The following CDH12 variants were observed in gnomAD, a reference collection of about 807,000 sequenced individuals.
CDH12 encodes cadherin 12.
A neutral mutation model predicts 74.1 loss-of-function variants in CDH12; 41 were observed. That is an observed-to-expected ratio of 0.55 (90% confidence interval 0.43 to 0.72). CDH12 has a LOEUF of 0.72. Among genes scored for constraint, CDH12 ranks in the 30% least tolerant of loss-of-function variants. The pLI is 0.00. For synonymous variants in CDH12, 399 were observed against 355.0 expected (o/e 1.12, Z -1.39); for missense variants, 945 against 977.2 (o/e 0.97, Z 0.44).
At chr5:22,622,746 G>A (rs1057109786) in intron 1 of CDH12, among the ~76,000 whole-genome samples, 3 of 152,226 alleles carry the variant, frequency 2.0e-5, no homozygotes, top group Non-Finnish European at 2.9e-5. Flanking sequence ...AGAGGTACAA[G>A]GAGGAGTTGG....
chr5:22,343,323 C>CACAGAGAGAGAGAGAG (rs1378956871), intron 3 of CDH12, among the ~76,000 whole-genome samples: 2 of 136,258 alleles, frequency 1.5e-5, no homozygotes, highest in African/African-American at 5.8e-5. Flanking sequence ...GACACACACA[C>CACAGAGAGAGAGAGAG]AGAGAGAGAG....
At chr5:21,862,441 A>C (rs1269185856) in intron 6 of CDH12, among the ~76,000 whole-genome samples, 1 of 152,082 alleles carries the variant, frequency 6.6e-6, no homozygotes, top group East Asian at 1.9e-4. Flanking sequence ...TTCTCATCCA[A>C]AAGGTAGGAA....
intron 6 of CDH12, among the ~76,000 whole-genome samples, chr5:21,903,509 A>G (rs1753493848): frequency 6.6e-6 from 1 of 152,074 alleles, no homozygotes. Context: ...AGGGTTCGTT[A>G]TCTTAAAGGG....
At chr5:22,193,671 C>T (rs6868892) in intron 4 of CDH12, among the ~76,000 whole-genome samples, 66,455 of 150,806 alleles carry the variant, frequency 0.44, 15,747 homozygotes, top group East Asian at 0.73. Flanking sequence ...GGATAAGCAG[C>T]CGGATGTATC....
chr5:22,450,534 T>C (rs1359346616), intron 2 of CDH12, among the ~76,000 whole-genome samples: 1 of 151,960 alleles, frequency 6.6e-6, no homozygotes, highest in Non-Finnish European at 1.5e-5. Flanking sequence ...TTTAATATCA[T>C]AGTCTCACTG....
chr5:22,017,408 C>G (rs1737673031), intron 5 of CDH12, among the ~76,000 whole-genome samples: 1 of 152,124 alleles, frequency 6.6e-6, no homozygotes, highest in African/African-American at 2.4e-5. Context: ...ACATGCTCCT[C>G]TCTCCTCCTC....
intron 1 of CDH12, among the ~76,000 whole-genome samples, chr5:22,669,206 G>T (rs1740780011): frequency 6.6e-6 from 1 of 151,948 alleles, no homozygotes; most frequent in Admixed American, 6.6e-5. Flanking sequence ...AGTTAATTTT[G>T]CAGCCTGTAA....
intron 6 of CDH12, among the ~76,000 whole-genome samples, chr5:21,893,421 G>A (rs188110946): frequency 1.3e-5 from 2 of 152,234 alleles, no homozygotes; most frequent in East Asian, 3.9e-4. Flanking sequence ...AAAGAAGCGG[G>A]AATTGCAGAC....
At chr5:22,742,818 G>A (rs1238943676) in intron 1 of CDH12, among the ~76,000 whole-genome samples, 2 of 151,660 alleles carry the variant, frequency 1.3e-5, no homozygotes, top group African/African-American at 2.4e-5. Flanking sequence ...ATTCCACTAT[G>A]TGGTGGTTAA....
intron 4 of CDH12, among the ~76,000 whole-genome samples, chr5:22,187,420 A>C (rs1750020087): frequency 6.6e-6 from 1 of 152,160 alleles, no homozygotes; most frequent in African/African-American, 2.4e-5. Flanking sequence ...CAGCAACTGA[A>C]AGTTTTTCTT....
chr5:22,341,239 G>A (rs1739834802), intron 3 of CDH12, among the ~76,000 whole-genome samples: 1 of 152,136 alleles, frequency 6.6e-6, no homozygotes, highest in Admixed American at 6.5e-5. Context: ...CCTCATAACT[G>A]CTGTATAAGT....
chr5:22,429,382 G>A (rs1326004606), intron 2 of CDH12, among the ~76,000 whole-genome samples: 2 of 151,932 alleles, frequency 1.3e-5, no homozygotes, highest in Non-Finnish European at 2.9e-5. Flanking sequence ...CAGGTGATCT[G>A]CCCACTTGGG....
At chr5:22,175,213 G>A (rs2150332334) in intron 4 of CDH12, among the ~76,000 whole-genome samples, 1 of 151,848 alleles carries the variant, frequency 6.6e-6, no homozygotes, top group African/African-American at 2.4e-5. Context: ...AACATGCCTG[G>A]TTTAACAGAT....
intron 1 of CDH12, among the ~76,000 whole-genome samples, chr5:22,850,467 T>C (rs1046601487): frequency 1.3e-5 from 2 of 152,084 alleles, no homozygotes; most frequent in African/African-American, 4.8e-5. Flanking sequence ...CAATTAAATG[T>C]ATTTTTGGGT....
chr5:21,958,468 G>A (rs1043636926), intron 6 of CDH12, among the ~76,000 whole-genome samples: 14 of 152,176 alleles, frequency 9.2e-5, no homozygotes, highest in African/African-American at 2.4e-4. Context: ...GTTGATTTTT[G>A]TATATTGTGT....
intron 1 of CDH12, among the ~76,000 whole-genome samples, chr5:22,672,504 C>A (rs1357099333): frequency 6.6e-6 from 1 of 152,048 alleles, no homozygotes; most frequent in Non-Finnish European, 1.5e-5. Context: ...GAGGATGAAT[C>A]CAACTTGATG....
At chr5:22,224,909 G>A (rs1334846971) in intron 3 of CDH12, among the ~76,000 whole-genome samples, 1 of 151,430 alleles carries the variant, frequency 6.6e-6, no homozygotes, top group East Asian at 1.9e-4. Context: ...TTTCCCAAAA[G>A]TGTATCTCTA....
At position 22,407,893 on chromosome 5, in the gene CDH12, T is replaced by C. The variant is rs150094049; in HGVS notation, c.-427-2542A>G. 1.9e-4 allele frequency among the ~76,000 whole-genome samples: 29 copies of C among 152,238 alleles called. No homozygotes were observed. In the East Asian group the frequency reaches 2.1e-3, roughly 11 times the overall value. ...GACTACCTGTTCAATTATACCTTCA[T>C]ACAGGATGCTTTTTTACGTTTCCTC... On this transcript the variant is annotated intron_variant, in intron 2 of 14. Coordinates refer to ENST00000382254, the MANE Select transcript of CDH12 (RefSeq NM_004061.5).
At chr5:22,268,202 GTTT>G (rs1225906713) in intron 3 of CDH12, among the ~76,000 whole-genome samples, 5 of 151,994 alleles carry the variant, frequency 3.3e-5, no homozygotes, top group Non-Finnish European at 7.4e-5. Context: ...TTGAATACAA[GTTT>G]TCTCTCCCCT....
Sources: gnomAD v4.1 joint callset for allele counts (sites outside exome capture counted in the v4.1 genomes callset) on GRCh38, gnomAD v4.1.1 for gene constraint, MANE v1.5 for transcripts, NCBI Gene and HGNC (gene_info 2026-07-23, HGNC 2026-07-21) for gene names.